NUP153: variants seen among roughly 807,000 people sequenced by gnomAD.
The protein encoded by NUP153 is nucleoporin 153, also known as nuclear pore complex protein Nup153.
In NUP153, 27 loss-of-function variants were observed where a neutral mutation model predicts 134.6. That is an observed-to-expected ratio of 0.20 (90% CI 0.15 to 0.28). The LOEUF is 0.28. NUP153 is among the 10% of genes least tolerant of loss of function. NUP153 has a pLI of 1.00. For synonymous variants in NUP153, 640 were observed against 623.5 expected (o/e 1.03, Z -0.40); for missense variants, 1,821 against 1,731.3 (o/e 1.05, Z -0.92).
Position 17,637,704 on chromosome 6 carries a change from G to A in NUP153, c.1913C>T (p.Thr638Ile). The part of the protein sequence containing the change: ...QPTATSPVVY[T>I]RPAISSFSSS... Reference sequence around the variant, plus strand: ...AGAAAAGCTACTTATTGCTGGTCTTGTATAAACTACTGGGCTTGTTGCGGT... The same window carrying A: ...AGAAAAGCTACTTATTGCTGGTCTTATATAAACTACTGGGCTTGTTGCGGT... Residue 638 changes from threonine (T) to isoleucine (I), a missense_variant, in exon 16 of 22, where the codon ACA becomes ATA. By Grantham distance (89) the Thr-to-Ile change is moderately conservative. Coordinates refer to ENST00000262077, the MANE Select transcript of NUP153 (RefSeq NM_005124.4). 6.2e-7 allele frequency: 1 copy of A among 1,609,746 alleles called. No homozygotes were observed. Among genetic ancestry groups the A allele is most frequent in the Non-Finnish European group, 8.5e-7 (1 of 1,179,994 alleles).
chr6:17,704,110 G>A (rs905144659), intron 1 of NUP153, among the ~76,000 whole-genome samples: 107 of 152,320 alleles, frequency 7.0e-4, no homozygotes, highest in African/African-American at 2.4e-3. Flanking sequence ...GGCTAACATG[G>A]TGAAACCCCG....
chr6:17,623,233 TG>T (rs1405511866), intron 20 of NUP153, among the ~76,000 whole-genome samples: 7 of 150,892 alleles, frequency 4.6e-5, no homozygotes, highest in Non-Finnish European at 1.0e-4. Context: ...CTGATCAAAA[TG>T]GTTAATGTAT....
At chr6:17,701,927 G>C (rs138191132) in intron 1 of NUP153, among the ~76,000 whole-genome samples, 210 of 147,826 alleles carry the variant, frequency 1.4e-3, no homozygotes, top group African/African-American at 4.7e-3. Context: ...CTCTAAACCA[G>C]AAGATAAATG....
chr6:17,650,022 A>T (rs527982341), intron 11 of NUP153, among the ~76,000 whole-genome samples: 5 of 152,200 alleles, frequency 3.3e-5, no homozygotes, highest in Non-Finnish European at 7.3e-5. Flanking sequence ...AACTGAACAA[A>T]GAGCACCCTA....
chr6:17,699,035 A>G (rs554002162), intron 1 of NUP153, among the ~76,000 whole-genome samples: 1 of 152,272 alleles, frequency 6.6e-6, no homozygotes, highest in South Asian at 2.1e-4. Flanking sequence ...AATCAAGCAA[A>G]CTGAAATATC....
intron 11 of NUP153, chr6:17,651,950 C>A: frequency 1.6e-6 from 1 of 612,638 alleles, no homozygotes; most frequent in Non-Finnish European, 3.1e-6. Context: ...TAAAAATTGG[C>A]GAGGTATGAT....
chr6:17,634,730 C>G (rs1001259403), intron 16 of NUP153, among the ~76,000 whole-genome samples: 1 of 152,186 alleles, frequency 6.6e-6, no homozygotes, highest in Non-Finnish European at 1.5e-5. Context: ...AGCCACCATG[C>G]CTGGTCACAT....
At position 17,645,229 on chromosome 6, in the gene NUP153, C is replaced by T. The variant is rs1290664504; in HGVS notation, c.1720+838G>A. On this transcript the variant is annotated intron_variant, in intron 14 of 21. Transcript: ENST00000262077. ...TTGCACTCCAGCCTGGGCAACAGAG[C>T]GAGACTCTGTCTCAAAAAAAAAAAA... 1.5e-4 allele frequency among the ~76,000 whole-genome samples: 22 copies of T among 142,904 alleles called. No individual in the cohort carries two copies. The East Asian group carries it at 2.8e-3, about 18-fold the overall frequency. 93.8% of individuals were successfully genotyped at this position (142,904 alleles called of 152,430 possible). A position where few individuals can be genotyped will look rare whatever the true frequency, so the allele number is the denominator to read the frequency against.
intron 16 of NUP153, among the ~76,000 whole-genome samples, chr6:17,634,719 G>A (rs1395623940): frequency 1.3e-5 from 2 of 152,170 alleles, no homozygotes; most frequent in Non-Finnish European, 2.9e-5. Context: ...TTACAGACGT[G>A]AGCCACCATG....
Position 17,699,443 on chromosome 6 carries a change from A to G in NUP153, c.111+6834T>C, listed in dbSNP as rs181729689. On this transcript the variant is annotated intron_variant, in intron 1 of 21. Transcript: ENST00000262077. ...GGTTGCAGTGAGCCGAAATCGCACC[A>G]TTGCACTTCAGCCTGGGTGACAGGG... is the stretch of plus-strand genomic sequence containing the variant. 3.6e-3 allele frequency among the ~76,000 whole-genome samples: 538 copies of G among 148,646 alleles called. 5 individuals carry two copies. Among genetic ancestry groups the G allele is most frequent in the African/African-American group, 0.013 (520 of 40,596 alleles).
rs1768166214 is a variant in NUP153 at position 17,675,486 on chromosome 6, C to G, written c.583+36G>C. On this transcript the variant is annotated intron_variant, in intron 3 of 21. Transcript: ENST00000262077. The surrounding 1 kb of genome is among the most constrained non-coding windows in gnomAD (Gnocchi z 4.4). ...AAAAAACCCATAAAATTTAATGTTA[C>G]TACCCAAATTATGTACTACCACATG... 6.2e-7 allele frequency: 1 copy of G among 1,605,906 alleles called. No homozygotes were observed. Among genetic ancestry groups the G allele is most frequent in the Non-Finnish European group, 8.5e-7 (1 of 1,175,818 alleles).
intron 11 of NUP153, among the ~76,000 whole-genome samples, chr6:17,650,248 C>T (rs1317737139): frequency 1.3e-5 from 2 of 152,180 alleles, no homozygotes; most frequent in Non-Finnish European, 2.9e-5. Context: ...AGTAAGCTTC[C>T]TGTTCTCTTC....
intron 11 of NUP153, among the ~76,000 whole-genome samples, chr6:17,650,045 T>A (rs1213462067): frequency 1.3e-5 from 2 of 152,062 alleles, no homozygotes; most frequent in Non-Finnish European, 2.9e-5. Context: ...TCTCCAATGA[T>A]CCCTAGATAA....
intron 2 of NUP153, among the ~76,000 whole-genome samples, 158 bp downstream of exon 2, chr6:17,688,238 C>G (rs1377078663): frequency 6.6e-6 from 1 of 152,218 alleles, no homozygotes; most frequent in Non-Finnish European, 1.5e-5. Flanking sequence ...AAATAAAACA[C>G]TGATAAATAA....
At chr6:17,659,861 TTGTA>T (rs1767080049) in intron 11 of NUP153, among the ~76,000 whole-genome samples, 2 of 152,198 alleles carry the variant, frequency 1.3e-5, no homozygotes, top group Non-Finnish European at 2.9e-5. Context: ...TATATACTGT[TTGTA>T]TGATCAATGG....
rs78377903 is a variant in NUP153 at position 17,648,244 on chromosome 6, G to A, written c.1534-339C>T. ...CTCACACCTGTGATCCCAGCACTTT[G>A]GGAAGCCATGACAGAGGGAATTGCT... On this transcript the variant is annotated intron_variant, in intron 12 of 21. Transcript: ENST00000262077. Among the ~76,000 whole-genome samples, 1,367 of 152,268 alleles carry A rather than the reference G, an allele frequency of 9.0e-3. 25 individuals carry two copies. The highest frequency in any genetic ancestry group is 0.03 in the African/African-American group (1,244 of 41,548).
At chr6:17,672,451 C>A (rs189845203) in intron 5 of NUP153, among the ~76,000 whole-genome samples, 1 of 152,026 alleles carries the variant, frequency 6.6e-6, no homozygotes, top group East Asian at 1.9e-4. Flanking sequence ...TGGCACACGC[C>A]TGTGGTCCCA....
chr6:17,699,477 G>C (rs1489908422), intron 1 of NUP153, among the ~76,000 whole-genome samples: 1 of 105,766 alleles, frequency 9.5e-6, no homozygotes, highest in Non-Finnish European at 1.9e-5. Flanking sequence ...GGCGAGACTC[G>C]TCTCAAAAAA....
At chr6:17,702,279 G>A (rs973969221) in intron 1 of NUP153, among the ~76,000 whole-genome samples, 3 of 152,068 alleles carry the variant, frequency 2.0e-5, no homozygotes, top group South Asian at 2.1e-4. Context: ...AGGCCGAGGC[G>A]GGTGGATCAC....
Sources: allele counts gnomAD v4.1 joint callset (sites outside exome capture counted in the v4.1 genomes callset), GRCh38; gene constraint gnomAD v4.1.1; non-coding constraint Gnocchi (gnomAD v3.1); transcripts MANE v1.5; gene names NCBI Gene and HGNC (gene_info 2026-07-23, HGNC 2026-07-21).